The following BTRC variants were observed in gnomAD, a reference collection of about 807,000 sequenced individuals.
The protein encoded by BTRC is F-box/WD repeat-containing protein 1A.
BTRC carries 42 observed loss-of-function variants against 85.5 expected under a neutral mutation model. That is an observed-to-expected ratio of 0.49 (90% CI 0.38 to 0.64). The LOEUF (loss-of-function observed/expected upper bound fraction) is 0.64. Among genes scored for constraint, BTRC ranks in the 30% least tolerant of loss-of-function variants. BTRC has a pLI of 0.00. For synonymous variants in BTRC, 255 were observed against 263.3 expected (o/e 0.97, Z 0.30); for missense variants, 594 against 743.5 (o/e 0.80, Z 2.34).
intron 1 of BTRC, among the ~76,000 whole-genome samples, chr10:101,366,982 A>G (rs1564730655): frequency 1.4e-5 from 1 of 70,640 alleles, no homozygotes; most frequent in East Asian, 2.9e-4. Context: ...ATATTTATAT[A>G]TTTATATATA....
At chr10:101,491,398 A>T (rs1946129311) in intron 4 of BTRC, among the ~76,000 whole-genome samples, 1 of 152,094 alleles carries the variant, frequency 6.6e-6, no homozygotes, top group African/African-American at 2.4e-5. Context: ...AATTTTGTCA[A>T]TTAAAAATGT....
chr10:101,529,259 CTTTGA>C (rs1456004990), intron 6 of BTRC, among the ~76,000 whole-genome samples: 1 of 152,172 alleles, frequency 6.6e-6, no homozygotes, highest in Non-Finnish European at 1.5e-5. Context: ...TTCTGTAACA[CTTTGA>C]TTTGAAGAAA....
chr10:101,384,259 CTTT>C (rs1943010572), intron 1 of BTRC, among the ~76,000 whole-genome samples: 1 of 152,218 alleles, frequency 6.6e-6, no homozygotes, highest in Admixed American at 6.5e-5. Context: ...AGCCCTCCTT[CTTT>C]GAGTCTCCTA....
At chr10:101,442,339 T>C (rs1039922183) in intron 2 of BTRC, among the ~76,000 whole-genome samples, 1 of 134,256 alleles carries the variant, frequency 7.4e-6, no homozygotes, top group African/African-American at 3.1e-5. Flanking sequence ...AATTCCAACC[T>C]TAACGGGAGA....
intron 13 of BTRC, among the ~76,000 whole-genome samples, chr10:101,538,833 A>C (rs1035295415): frequency 3.3e-5 from 5 of 152,130 alleles, no homozygotes; most frequent in African/African-American, 4.8e-5. Context: ...GGATCACCTG[A>C]GATCAGGAGT....
At chr10:101,505,165 A>G (rs1946498978) in intron 4 of BTRC, among the ~76,000 whole-genome samples, 1 of 143,008 alleles carries the variant, frequency 7.0e-6, no homozygotes, top group Non-Finnish European at 1.5e-5. Flanking sequence ...ATGTATATAT[A>G]TATATATATA....
intron 1 of BTRC, among the ~76,000 whole-genome samples, chr10:101,383,397 TA>T (rs201618642): frequency 0.022 from 2,881 of 132,722 alleles, 76 homozygotes; most frequent in East Asian, 0.069. Flanking sequence ...TCTTCCTTTT[TA>T]AAAAAAAAAA....
At position 101,462,078 on chromosome 10, in the gene BTRC, TTAAAA is replaced by T. The variant is rs767784372; in HGVS notation, c.234+26_234+30del. 54 of 1,573,894 alleles carry T rather than the reference TTAAAA, an allele frequency of 3.4e-5. No individual in the cohort carries two copies. The highest frequency in any genetic ancestry group is 4.7e-5 in the Non-Finnish European group (54 of 1,157,744). ...AGACAGGTATGAAATTCAGCCTTAC[TTAAAA>T]TAAAAAGCTACCAACAGCAAAACAA... On this transcript the variant is annotated intron_variant, in intron 3 of 14. Coordinates refer to ENST00000370187, the MANE Select transcript of BTRC (RefSeq NM_033637.4).
intron 3 of BTRC, among the ~76,000 whole-genome samples, chr10:101,467,178 A>C (rs1286810020): frequency 7.2e-6 from 1 of 138,980 alleles, no homozygotes; most frequent in Admixed American, 7.7e-5. Flanking sequence ...TTTTCAAGAG[A>C]GCTCCTTTTC....
chr10:101,448,426 GTT>G (rs1370712820), intron 2 of BTRC, among the ~76,000 whole-genome samples: 7 of 151,992 alleles, frequency 4.6e-5, no homozygotes, highest in Non-Finnish European at 1.0e-4. Context: ...AAGCTAATCT[GTT>G]TTGGTTTTAT....
intron 1 of BTRC, chr10:101,414,683 T>C: frequency 1.9e-6 from 1 of 517,538 alleles, no homozygotes; most frequent in South Asian, 1.4e-5. Flanking sequence ...GCTATGAAGG[T>C]AGAAGACAGT....
intron 2 of BTRC, among the ~76,000 whole-genome samples, chr10:101,434,664 C>G (rs1944481124): frequency 6.6e-6 from 1 of 152,042 alleles, no homozygotes; most frequent in Non-Finnish European, 1.5e-5. Context: ...TACAGCAGTG[C>G]ATGCCTGTAG....
intron 3 of BTRC, among the ~76,000 whole-genome samples, chr10:101,475,921 C>CTATATATATATATATATATA (rs1945666772): frequency 2.5e-4 from 3 of 12,216 alleles, no homozygotes; most frequent in Non-Finnish European, 5.2e-4. Context: ...AAGTATTTTG[C>CTATATATATATATATATATA]CATATATATA....
At chr10:101,461,219 ATATTAATGT>A (rs1452752490) in intron 2 of BTRC, among the ~76,000 whole-genome samples, 1 of 152,174 alleles carries the variant, frequency 6.6e-6, no homozygotes, top group Non-Finnish European at 1.5e-5. Flanking sequence ...AGGGTTTTAA[ATATTAATGT>A]TATTAATGTT....
At chr10:101,423,431 C>A (rs1426572570) in intron 1 of BTRC, among the ~76,000 whole-genome samples, 1 of 152,166 alleles carries the variant, frequency 6.6e-6, no homozygotes, top group Non-Finnish European at 1.5e-5. Flanking sequence ...AAGTCTGTGA[C>A]TGAGCTTTTC....
intron 1 of BTRC, among the ~76,000 whole-genome samples, chr10:101,372,321 A>G (rs995687852): frequency 1.3e-5 from 2 of 149,878 alleles, no homozygotes; most frequent in African/African-American, 4.9e-5. Context: ...CAGTGGCGCA[A>G]TCTTGGCTCA....
intron 14 of BTRC, 55 bp downstream of exon 14, chr10:101,550,946 G>A: frequency 6.9e-7 from 1 of 1,444,452 alleles, no homozygotes; most frequent in South Asian, 1.4e-5. Context: ...GATATTAGCT[G>A]TAAGGTGTTG....
At position 101,399,114 on chromosome 10, in the gene BTRC, G is replaced by A. The variant is rs377663949; in HGVS notation, c.49-31231G>A. Reference sequence around the variant, plus strand: ...ACTACAGGCATGCGCCACCATCCCCGGCTAATTTTTTTGTATTTTTAGTAG... The same window carrying A: ...ACTACAGGCATGCGCCACCATCCCCAGCTAATTTTTTTGTATTTTTAGTAG... On this transcript the variant is annotated intron_variant, in intron 1 of 14. Transcript: ENST00000370187. Among the ~76,000 whole-genome samples, 5 of 151,904 alleles carry A rather than the reference G, an allele frequency of 3.3e-5. No homozygotes were observed. The East Asian group carries it at 7.7e-4, about 24-fold the overall frequency.
chr10:101,410,604 ACT>A (rs986966234), intron 1 of BTRC, among the ~76,000 whole-genome samples: 4 of 151,420 alleles, frequency 2.6e-5, no homozygotes, highest in African/African-American at 4.9e-5. Context: ...ACAGAGCAAG[ACT>A]CTGTCTTGGA....
Sources: allele counts gnomAD v4.1 joint callset (sites outside exome capture counted in the v4.1 genomes callset), GRCh38; gene constraint gnomAD v4.1.1; transcripts MANE v1.5; gene names NCBI Gene and HGNC (gene_info 2026-07-23, HGNC 2026-07-21).